The following SERAC1 variants were observed in gnomAD, a reference collection of about 807,000 sequenced individuals.
SERAC1 encodes the protein protein SERAC1.
SERAC1 carries 36 observed loss-of-function variants against 85.7 expected under a neutral mutation model. That is an observed-to-expected ratio of 0.42 (90% CI 0.32 to 0.55). SERAC1 has a LOEUF of 0.55. Ranked by LOEUF, SERAC1 falls within the 20% of genes least tolerant of loss-of-function variation. SERAC1 has a pLI of 0.11. For synonymous variants in SERAC1, 242 were observed against 265.3 expected (o/e 0.91, Z 0.85); for missense variants, 629 against 796.2 (o/e 0.79, Z 2.53).
In SERAC1 at chr6:158,119,111, G is replaced by GT; in HGVS notation, c.1225dup (p.Thr409AsnfsTer8). 2 of 1,613,788 alleles carry GT rather than the reference G, an allele frequency of 1.2e-6. No individual in the cohort carries two copies. The highest frequency in any genetic ancestry group is 1.7e-6 in the Non-Finnish European group (2 of 1,179,860). ...CTGCTCACTGTCCTGCTGGCGCCAT[G>GT]TTTTGAATGCTGCTCCCATAAGGCC... On this transcript the variant is annotated frameshift_variant, in exon 12 of 17. Transcript: ENST00000647468. LOFTEE classifies it high-confidence loss of function. This position sits in a 1 kb window ranked among gnomAD's most constrained non-coding sequence, Gnocchi z 4.5.
chr6:158,155,460 T>C, intron 2 of SERAC1, 109 bp from the exon 3 acceptor site: 1 of 629,220 alleles, frequency 1.6e-6, no homozygotes, highest in Non-Finnish European at 2.7e-6. Context: ...GATAAGAAGT[T>C]ATTATTTTTC....
chr6:158,150,633 A>T (rs1314044195), intron 3 of SERAC1, 44 bp from the exon 4 acceptor site: 2 of 1,333,134 alleles, frequency 1.5e-6, no homozygotes, highest in South Asian at 1.2e-5. Flanking sequence ...GACAATCAAA[A>T]TGTAACACAA....
At chr6:158,131,865 C>T (rs1223307578) in intron 8 of SERAC1, among the ~76,000 whole-genome samples, 1 of 152,142 alleles carries the variant, frequency 6.6e-6, no homozygotes, top group Admixed American at 6.5e-5. Flanking sequence ...AATTATGGTA[C>T]AGTTGTACAA....
intron 1 of SERAC1, among the ~76,000 whole-genome samples, chr6:158,159,539 T>C (rs1275060932): frequency 6.6e-6 from 1 of 151,330 alleles, no homozygotes; most frequent in African/African-American, 2.4e-5. Flanking sequence ...ATTATCCCTC[T>C]AAAATTCCAC....
Position 158,117,246 on chromosome 6 carries a change from A to T in SERAC1, c.1403+481T>A. ...TTAACTGACTGGTCTAAGACTGCAC[A>T]GCAAATCAAAGGTAGGATCCGGCTA... On this transcript the variant is annotated intron_variant, in intron 13 of 16. Coordinates refer to ENST00000647468, the MANE Select transcript of SERAC1 (RefSeq NM_032861.4). The surrounding 1 kb of genome is among the most constrained non-coding windows in gnomAD (Gnocchi z 4.3). 2.2e-6 allele frequency: 1 copy of T among 463,074 alleles called. No homozygotes were observed. The highest frequency in any genetic ancestry group is 3.6e-5 in the East Asian group (1 of 27,642). The allele number at this position is 463,074 out of a possible 1,614,324, so 28.7% of individuals were successfully genotyped here. A position where few individuals can be genotyped will look rare whatever the true frequency, so the allele number is the denominator to read the frequency against.
chr6:158,165,410 C>T (rs1363009524), intron 1 of SERAC1, among the ~76,000 whole-genome samples: 2 of 152,170 alleles, frequency 1.3e-5, no homozygotes, highest in African/African-American at 4.8e-5. Context: ...CCGCCTCGGC[C>T]TACCAAAGTG....
intron 2 of SERAC1, 138 bp from the exon 3 acceptor site, chr6:158,155,489 C>T (rs866718661): frequency 1.8e-6 from 1 of 568,226 alleles, no homozygotes; most frequent in African/African-American, 1.9e-5. Flanking sequence ...TAATCAGTTG[C>T]TATTAATAAA....
At chr6:158,143,386 TATATATATG>T (rs1562450469) in intron 7 of SERAC1, among the ~76,000 whole-genome samples, 78 of 14,006 alleles carry the variant, frequency 5.6e-3, no homozygotes, top group Non-Finnish European at 7.5e-3. Flanking sequence ...CACACACACA[TATATATATG>T]ATATAGAGAT....
chr6:158,110,605 A>T lies in SERAC1; in HGVS notation c.*761T>A, dbSNP rs1784122257. 6.6e-6 allele frequency: 1 copy of T among 152,242 alleles called. No homozygotes were observed. The highest frequency in any genetic ancestry group is 2.4e-5 in the African/African-American group (1 of 41,468). The allele number at this position is 152,242 out of a possible 1,614,324, so 9.4% of individuals were successfully genotyped here. On this transcript the variant is annotated 3_prime_UTR_variant, in exon 17 of 17. Transcript: ENST00000647468. ...CCAAAGAGAATCTGAGAATCTTGAT[A>T]CTAAGAATTGCTAATTCATATAATG... is the stretch of plus-strand genomic sequence containing the variant.
At chr6:158,142,677 A>G (rs1271680125) in intron 8 of SERAC1, among the ~76,000 whole-genome samples, 3 of 152,022 alleles carry the variant, frequency 2.0e-5, no homozygotes, top group Non-Finnish European at 2.9e-5. Context: ...GGGTTTCACC[A>G]CGTTGGCCAG....
In SERAC1 at chr6:158,111,277, T is replaced by G. The variant is rs771709906; in HGVS notation, c.*89A>C. On this transcript the variant is annotated 3_prime_UTR_variant, in exon 17 of 17. Transcript: ENST00000647468. ...CATGTTGACGCTATGATCACTATGT[T>G]TGCATGATTGCATAGAGCTTAAAAG... The G allele has an allele frequency of 3.7e-5, 45 of 1,213,120 alleles. No homozygotes were observed. Among genetic ancestry groups the G allele is most frequent in the Non-Finnish European group, 4.9e-5 (43 of 875,072 alleles). The allele number at this position is 1,213,120 out of a possible 1,614,324, so 75.1% of individuals were successfully genotyped here.
intron 1 of SERAC1, among the ~76,000 whole-genome samples, chr6:158,162,971 G>A (rs913219591): frequency 2.6e-5 from 4 of 152,150 alleles, no homozygotes; most frequent in African/African-American, 9.7e-5. Flanking sequence ...GCTGAGACTT[G>A]GGAAGTACGT....
chr6:158,115,064 A>G (rs900823181), intron 14 of SERAC1, 93 bp from the exon 15 acceptor site: 27 of 1,300,262 alleles, frequency 2.1e-5, no homozygotes, highest in Non-Finnish European at 2.7e-5. Flanking sequence ...GAAATACATA[A>G]AAAGAGATGC....
chr6:158,137,630 CT>C (rs954686607), intron 8 of SERAC1, among the ~76,000 whole-genome samples: 3 of 152,044 alleles, frequency 2.0e-5, no homozygotes, highest in African/African-American at 7.2e-5. Flanking sequence ...TATACTAGCA[CT>C]TTGGAAGGCT....
intron 8 of SERAC1, among the ~76,000 whole-genome samples, chr6:158,136,013 T>C (rs1784785313): frequency 6.6e-6 from 1 of 152,102 alleles, no homozygotes; most frequent in Non-Finnish European, 1.5e-5. Context: ...GGTTTCACTG[T>C]GTTAGCCAGC....
intron 8 of SERAC1, among the ~76,000 whole-genome samples, chr6:158,140,629 A>C (rs548690160): frequency 6.6e-6 from 1 of 152,358 alleles, no homozygotes; most frequent in South Asian, 2.1e-4. Context: ...GGTGGGGGTC[A>C]TGGGCACTCC....
chr6:158,127,400 C>T (rs1332115977), intron 10 of SERAC1, among the ~76,000 whole-genome samples: 91 of 51,250 alleles, frequency 1.8e-3, no homozygotes, highest in Middle Eastern at 6.8e-3. Flanking sequence ...GCCCGGCCAG[C>T]CGCCCCGTCC....
chr6:158,146,789 G>A lies in SERAC1; in HGVS notation c.480C>T (p.His160=), dbSNP rs1007630244. Residue 160 remains histidine (H), a synonymous_variant, in exon 6 of 17, where the codon CAC becomes CAT. Coordinates refer to ENST00000647468, the MANE Select transcript of SERAC1 (RefSeq NM_032861.4). ...TTCAGGTAGTCTCATTACCATGCCA[G>A]TGATGGGTCTCCGACATTTCCCGCA... ...EAVREMSETH[H]WHDYQYRIIA... is the part of the protein sequence containing the mutation. The A allele has an allele frequency of 3.7e-6, 6 of 1,613,716 alleles. No homozygotes were observed. The East Asian group carries it at 1.1e-4, about 30-fold the overall frequency.
intron 14 of SERAC1, 58 bp downstream of exon 14, chr6:158,116,127 C>G: frequency 7.2e-7 from 1 of 1,395,008 alleles, no homozygotes; most frequent in South Asian, 1.2e-5. Flanking sequence ...TTAGGTTGGC[C>G]ACAGTGGCTG....
Sources: gnomAD v4.1 joint callset for allele counts (sites outside exome capture counted in the v4.1 genomes callset) on GRCh38, gnomAD v4.1.1 for gene constraint, Gnocchi (gnomAD v3.1) non-coding constraint, MANE v1.5 for transcripts, NCBI Gene and HGNC (gene_info 2026-07-23, HGNC 2026-07-21) for gene names.